The following KIRREL3 variants were observed in gnomAD, a reference collection of about 807,000 sequenced individuals.
KIRREL3 encodes kirre like nephrin family adhesion molecule 3.
KIRREL3 carries 36 observed loss-of-function variants against 89.7 expected under a neutral mutation model. The ratio of observed to expected loss-of-function variants is 0.40; its 90% CI spans 0.31 to 0.53. The LOEUF (loss-of-function observed/expected upper bound fraction) is 0.53, where lower values mean the gene tolerates loss of function less well. Ranked by LOEUF, KIRREL3 falls within the 20% of genes least tolerant of loss-of-function variation. The pLI is 0.49. For synonymous variants in KIRREL3, 445 were observed against 441.4 expected (o/e 1.01, Z -0.10); for missense variants, 864 against 1,056.6 (o/e 0.82, Z 2.53).
intron 6 of KIRREL3, among the ~76,000 whole-genome samples, chr11:126,458,705 C>A (rs1191867127): frequency 3.3e-5 from 5 of 152,214 alleles, no homozygotes; most frequent in Non-Finnish European, 2.9e-5. Flanking sequence ...ATCCAGGAAA[C>A]CTCTGCTCCT....
rs1948101325 is a variant in KIRREL3, at chr11:126,719,775, G to C, written c.56-156863C>G. ...AAAATGACCACTTCTTACAACCTCT[G>C]CTGCCCCCACCCTGGTCCAAGACAG... On this transcript the variant is annotated intron_variant, in intron 1 of 16. Transcript: ENST00000525144. This position sits in a 1 kb window ranked among gnomAD's most constrained non-coding sequence, Gnocchi z 4.7. Among the ~76,000 whole-genome samples the C allele has an allele frequency of 5.3e-5, 8 of 152,162 alleles. No individual in the cohort carries two copies. In the South Asian group the frequency reaches 1.7e-3, roughly 32 times the overall value.
At chr11:126,856,381 C>T (rs1187309758) in intron 1 of KIRREL3, among the ~76,000 whole-genome samples, 3 of 152,034 alleles carry the variant, frequency 2.0e-5, no homozygotes, top group Non-Finnish European at 2.9e-5. Context: ...AATTAAACTA[C>T]TTGATCTTTC....
Position 126,469,045 on chromosome 11 carries a change from G to A in KIRREL3, c.591+4264C>T, listed in dbSNP as rs531984355. 7.9e-5 allele frequency among the ~76,000 whole-genome samples: 12 copies of A among 152,304 alleles called. No individual in the cohort carries two copies. In the South Asian group the frequency reaches 2.3e-3, roughly 29 times the overall value. ...CAACAGCAGTGCTTGTTGCAAGCTCGCTATGTGCCAGGCGTGTTTCTCATT... is the reference window on the plus strand; with the variant it reads ...CAACAGCAGTGCTTGTTGCAAGCTCACTATGTGCCAGGCGTGTTTCTCATT... On this transcript the variant is annotated intron_variant, in intron 5 of 16. Transcript: ENST00000525144.
chr11:126,849,017 C>T (rs1944244966), intron 1 of KIRREL3, among the ~76,000 whole-genome samples: 1 of 152,176 alleles, frequency 6.6e-6, no homozygotes, highest in African/African-American at 2.4e-5. Context: ...TGAATAGGGG[C>T]TGGATAAAAT....
rs372420323 is a variant in KIRREL3 at position 126,563,271 on chromosome 11, C to A, written c.56-359G>T. 1.3e-5 allele frequency among the ~76,000 whole-genome samples: 2 copies of A among 152,152 alleles called. No homozygotes were observed. The highest frequency in any genetic ancestry group is 2.9e-5 in the Non-Finnish European group (2 of 68,032). On this transcript the variant is annotated intron_variant, in intron 1 of 16. Coordinates refer to ENST00000525144, the MANE Select transcript of KIRREL3 (RefSeq NM_032531.4). This position sits in a 1 kb window ranked among gnomAD's most constrained non-coding sequence, Gnocchi z 6.8. ...TAAACATAACTCTGGGTTATTGAGGCCCTTTGTATCTCAGGCTTGGGGACT... is the reference window on the plus strand; with the variant it reads ...TAAACATAACTCTGGGTTATTGAGGACCTTTGTATCTCAGGCTTGGGGACT...
rs1031226611 is a variant in KIRREL3, at chr11:126,781,060, C to T, written c.56-218148G>A. 2.6e-5 allele frequency among the ~76,000 whole-genome samples: 4 copies of T among 152,250 alleles called. No individual in the cohort carries two copies. In the South Asian group the frequency reaches 8.3e-4, roughly 32 times the overall value. On this transcript the variant is annotated intron_variant, in intron 1 of 16. Coordinates refer to ENST00000525144, the MANE Select transcript of KIRREL3 (RefSeq NM_032531.4). ...CAGGAAGCAATTTTAACTCTGGAAA[C>T]TTTAGATGAGGGTGAAAAGGGTGGG... is the stretch of plus-strand genomic sequence containing the variant.
chr11:126,512,604 T>G (rs975117247), intron 4 of KIRREL3, among the ~76,000 whole-genome samples: 1 of 152,180 alleles, frequency 6.6e-6, no homozygotes, highest in African/African-American at 2.4e-5. Context: ...AGATTTCACT[T>G]GCAGCCCTGG....
chr11:126,693,537 C>T (rs564296158), intron 1 of KIRREL3, among the ~76,000 whole-genome samples: 6 of 152,150 alleles, frequency 3.9e-5, no homozygotes, highest in East Asian at 3.9e-4. Flanking sequence ...GCCGTAAAAG[C>T]GTGCAAGTCA....
chr11:126,734,787 T>G lies in KIRREL3; in HGVS notation c.56-171875A>C, dbSNP rs1948746676. ...GCTAAGGAATCACAGTGGTGGAGAC[T>G]GATGAGCAGGTCAGAGAAGTTTTCG... On this transcript the variant is annotated intron_variant, in intron 1 of 16. Transcript: ENST00000525144. The surrounding 1 kb of genome is among the most constrained non-coding windows in gnomAD (Gnocchi z 5.9). 6.6e-6 allele frequency among the ~76,000 whole-genome samples: 1 copy of G among 152,158 alleles called. No individual in the cohort carries two copies. Among genetic ancestry groups the G allele is most frequent in the Non-Finnish European group, 1.5e-5 (1 of 68,018 alleles).
intron 1 of KIRREL3, among the ~76,000 whole-genome samples, chr11:126,597,912 G>A (rs1227206630): frequency 1.3e-5 from 2 of 152,228 alleles, no homozygotes; most frequent in Non-Finnish European, 2.9e-5. Context: ...ACAGAGCACA[G>A]CAGCCACTTA....
At position 126,954,947 on chromosome 11, in the gene KIRREL3, T is replaced by C. The variant is rs983445008; in HGVS notation, c.55+45508A>G. Among the ~76,000 whole-genome samples, 4 of 152,190 alleles carry C rather than the reference T, an allele frequency of 2.6e-5. No individual in the cohort carries two copies. Among genetic ancestry groups the C allele is most frequent in the Admixed American group, 6.5e-5 (1 of 15,272 alleles). The stretch of plus-strand genomic sequence containing the variant: ...ACTCTGTCTCTTGCATTCCCTCTCC[T>C]TGTCACATCTGACCAGTGGTTCATA... On this transcript the variant is annotated intron_variant, in intron 1 of 16. Transcript: ENST00000525144. This position sits in a 1 kb window ranked among gnomAD's most constrained non-coding sequence, Gnocchi z 4.1.
intron 1 of KIRREL3, among the ~76,000 whole-genome samples, chr11:126,921,987 CT>C (rs1259900352): frequency 2.0e-5 from 3 of 147,726 alleles, no homozygotes; most frequent in South Asian, 2.2e-4. Flanking sequence ...ATCTATCTAT[CT>C]ATCTATCTAT....
intron 1 of KIRREL3, among the ~76,000 whole-genome samples, chr11:126,730,718 C>T (rs1948583699): frequency 6.6e-6 from 1 of 152,138 alleles, no homozygotes; most frequent in Non-Finnish European, 1.5e-5. Context: ...ACCTGGCTTA[C>T]AACATGCAAT....
chr11:126,595,333 A>G (rs1942345492), intron 1 of KIRREL3, among the ~76,000 whole-genome samples: 1 of 152,230 alleles, frequency 6.6e-6, no homozygotes. Flanking sequence ...AGGGCAGTGT[A>G]GGAGCTGGCA....
intron 2 of KIRREL3, among the ~76,000 whole-genome samples, chr11:126,532,221 C>G (rs1958964212): frequency 6.6e-6 from 1 of 152,180 alleles, no homozygotes; most frequent in African/African-American, 2.4e-5. Context: ...AGGTGTCACT[C>G]AAACCCCAAT....
Position 126,748,052 on chromosome 11 carries a change from G to A in KIRREL3, c.56-185140C>T, listed in dbSNP as rs1362141365. Among the ~76,000 whole-genome samples, 2 of 152,174 alleles carry A rather than the reference G, an allele frequency of 1.3e-5. No individual in the cohort carries two copies. The highest frequency in any genetic ancestry group is 2.9e-5 in the Non-Finnish European group (2 of 68,038). ...ATTAATAATTGCCTCCCTAGTGACT[G>A]ATTTATCTGCTCCTTGAATCTGAGG... On this transcript the variant is annotated intron_variant, in intron 1 of 16. Transcript: ENST00000525144. The surrounding 1 kb of genome is among the most constrained non-coding windows in gnomAD (Gnocchi z 4.6).
At chr11:126,470,841 C>T (rs944448985) in intron 5 of KIRREL3, among the ~76,000 whole-genome samples, 2 of 152,160 alleles carry the variant, frequency 1.3e-5, no homozygotes. Flanking sequence ...AGTCACTTCC[C>T]CACCAGGCCT....
In KIRREL3 at chr11:126,970,264, T is replaced by C. The variant is rs2135211121; in HGVS notation, c.55+30191A>G. 6.6e-6 allele frequency among the ~76,000 whole-genome samples: 1 copy of C among 152,350 alleles called. No homozygotes were observed. Among genetic ancestry groups the C allele is most frequent in the East Asian group, 1.9e-4 (1 of 5,182 alleles). ...ATTTCCTTTGGTTTCCTTTTTGTTT[T>C]TCTTAATTTGAGCTTTCTCAGGAAG... On this transcript the variant is annotated intron_variant, in intron 1 of 16. Coordinates refer to ENST00000525144, the MANE Select transcript of KIRREL3 (RefSeq NM_032531.4). The surrounding 1 kb of genome is among the most constrained non-coding windows in gnomAD (Gnocchi z 4.4).
At chr11:126,552,287 A>C (rs917840970) in intron 2 of KIRREL3, among the ~76,000 whole-genome samples, 1 of 152,116 alleles carries the variant, frequency 6.6e-6, no homozygotes, top group Non-Finnish European at 1.5e-5. Context: ...TCAGTCCATT[A>C]CCATTCATAC....
Sources: allele counts gnomAD v4.1 joint callset (sites outside exome capture counted in the v4.1 genomes callset), GRCh38; gene constraint gnomAD v4.1.1; non-coding constraint Gnocchi (gnomAD v3.1); transcripts MANE v1.5; gene names NCBI Gene and HGNC (gene_info 2026-07-23, HGNC 2026-07-21).